The following BACH1 variants were observed in gnomAD, a reference collection of about 807,000 sequenced individuals.
BACH1 encodes transcription regulator protein BACH1.
BACH1 carries 35 observed loss-of-function variants against 52.9 expected under a neutral mutation model. The ratio of observed to expected loss-of-function variants is 0.66; its 90% CI spans 0.51 to 0.88. BACH1 has a LOEUF of 0.88. BACH1 is among the 40% of genes least tolerant of loss of function. The pLI is 0.00. For synonymous variants in BACH1, 321 were observed against 319.6 expected (o/e 1.00, Z -0.05); for missense variants, 808 against 872.6 (o/e 0.93, Z 0.93).
At chr21:29,337,771 C>T (rs1332512797) in intron 4 of BACH1, among the ~76,000 whole-genome samples, 1 of 151,858 alleles carries the variant, frequency 6.6e-6, no homozygotes, top group Non-Finnish European at 1.5e-5. Context: ...CTCAGGAGTT[C>T]GAGGCTAGCC....
intron 2 of BACH1, among the ~76,000 whole-genome samples, chr21:29,360,209 C>T (rs1348232775): frequency 1.3e-5 from 2 of 152,180 alleles, no homozygotes; most frequent in East Asian, 3.9e-4. Context: ...GCCCTGACCA[C>T]TTGGGTACAT....
Position 29,327,016 on chromosome 21 carries a change from G to C in BACH1, c.1192G>C (p.Ala398Pro). 1 of 1,614,068 alleles carries C rather than the reference G, an allele frequency of 6.2e-7. No homozygotes were observed. Among genetic ancestry groups the C allele is most frequent in the Non-Finnish European group, 8.5e-7 (1 of 1,180,018 alleles). Residue 398 changes from alanine to proline, a missense_variant, in exon 3 of 5, where the codon GCA becomes CCA. Transcript: ENST00000286800. The stretch of plus-strand genomic sequence containing the variant: ...GGAGCGAGAAGTGGCAGAACACCTA[G>C]CAAAAGGCTTCTGGAGTGACATTTG... ...SVEREVAEHL[A>P]KGFWSDICST...
At chr21:29,328,687 A>G (rs374745941) in intron 3 of BACH1, among the ~76,000 whole-genome samples, 2 of 152,030 alleles carry the variant, frequency 1.3e-5, no homozygotes, top group East Asian at 1.9e-4. Flanking sequence ...AACCCATCCA[A>G]TTGCAATTCC....
chr21:29,309,372 A>G (rs1432173986), intron 1 of BACH1, among the ~76,000 whole-genome samples: 5 of 152,198 alleles, frequency 3.3e-5, no homozygotes, highest in Non-Finnish European at 7.3e-5. Context: ...CATCACACAC[A>G]GGATACTTGG....
chr21:29,358,765 A>T (rs1408000627), intron 2 of BACH1, among the ~76,000 whole-genome samples: 1 of 81,422 alleles, frequency 1.2e-5, no homozygotes, highest in African/African-American at 4.1e-5. Flanking sequence ...AAAAGAAAAG[A>T]AAAGAAAAGA....
At chr21:29,329,374 CT>C (rs1464330631) in intron 3 of BACH1, 112 bp from the exon 4 acceptor site, 1 of 859,444 alleles carries the variant, frequency 1.2e-6, no homozygotes, top group East Asian at 2.9e-5. Context: ...CCTATGTTTT[CT>C]TTAATGTAAA....
intron 4 of BACH1, among the ~76,000 whole-genome samples, chr21:29,339,608 A>G (rs1018723345): frequency 4.0e-5 from 6 of 151,440 alleles, no homozygotes; most frequent in Admixed American, 2.0e-4. Flanking sequence ...AGCTATTCAA[A>G]ATAAGGATTT....
chr21:29,319,270 A>G (rs2088821885), intron 1 of BACH1, among the ~76,000 whole-genome samples: 1 of 152,228 alleles, frequency 6.6e-6, no homozygotes, highest in Non-Finnish European at 1.5e-5. Flanking sequence ...AGGAGCCAGC[A>G]TAGAGGGAGA....
chr21:29,306,172 GTGT>G, intron 1 of BACH1, among the ~76,000 whole-genome samples: 1 of 54,826 alleles, frequency 1.8e-5, no homozygotes, highest in South Asian at 5.2e-4. Flanking sequence ...CAGGAAGAGT[GTGT>G]GTGTGTGTGT....
At chr21:29,350,207 C>A (rs531056822), downstream of BACH1, among the ~76,000 whole-genome samples, 1 of 152,296 alleles carries the variant, frequency 6.6e-6, no homozygotes, top group East Asian at 1.9e-4. Flanking sequence ...TCTACTGCAC[C>A]CCGTGGTTCA....
At position 29,342,563 on chromosome 21, in the gene BACH1, A is replaced by G. The variant is rs1427310048; in HGVS notation, c.1941A>G (p.Pro647=). Residue 647 remains proline (P), a synonymous_variant, in exon 5 of 5, where the codon CCA becomes CCG. Transcript: ENST00000286800. ...CCAAGTACTCAGCTGCAGATTGCCCACTTTCATTTTTAATTTCTGAAAAAG... is the reference window on the plus strand; with the variant it reads ...CCAAGTACTCAGCTGCAGATTGCCCGCTTTCATTTTTAATTTCTGAAAAAG... ...ILAKYSAADC[P]LSFLISEKDK... The G allele has an allele frequency of 1.2e-6, 2 of 1,614,106 alleles. No individual in the cohort carries two copies. The highest frequency in any genetic ancestry group is 1.7e-6 in the Non-Finnish European group (2 of 1,180,048).
intron 2 of BACH1, among the ~76,000 whole-genome samples, chr21:29,324,800 T>G (rs1467404901): frequency 6.6e-6 from 1 of 152,216 alleles, no homozygotes; most frequent in Non-Finnish European, 1.5e-5. Flanking sequence ...TCAAAGTGTC[T>G]GTACCATTTT....
At chr21:29,350,913 C>A (rs2089198484), downstream of BACH1, among the ~76,000 whole-genome samples, 1 of 152,188 alleles carries the variant, frequency 6.6e-6, no homozygotes, top group Admixed American at 6.5e-5. Flanking sequence ...CGAACTTGCC[C>A]TCTCATCTGC....
chr21:29,302,174 C>G lies in BACH1; in HGVS notation c.-61+3221C>G, dbSNP rs117384339. Among the ~76,000 whole-genome samples, 15 of 152,292 alleles carry G rather than the reference C, an allele frequency of 9.8e-5. No individual in the cohort carries two copies. The East Asian group carries it at 2.9e-3, about 29-fold the overall frequency. ...ACCTGCATTCCCTGAGCATTCTAGACAGAGGGTTTATTTTATGTGGTGGAA... is the reference window on the plus strand; with the variant it reads ...ACCTGCATTCCCTGAGCATTCTAGAGAGAGGGTTTATTTTATGTGGTGGAA... On this transcript the variant is annotated intron_variant, in intron 1 of 4. Coordinates refer to ENST00000286800, the MANE Select transcript of BACH1 (RefSeq NM_001186.4).
intron 1 of BACH1, among the ~76,000 whole-genome samples, chr21:29,320,419 T>C (rs2088834730): frequency 1.3e-5 from 2 of 152,226 alleles, no homozygotes; most frequent in Non-Finnish European, 2.9e-5. Context: ...GGGGGTATTC[T>C]TGTTTTTGGC....
intron 2 of BACH1, among the ~76,000 whole-genome samples, chr21:29,356,706 G>A (rs962040023): frequency 1.3e-5 from 2 of 152,278 alleles, no homozygotes; most frequent in African/African-American, 4.8e-5. Flanking sequence ...GTGCTTTCGG[G>A]CTACGCCCTT....
At chr21:29,306,451 C>T (rs1217591644) in intron 1 of BACH1, among the ~76,000 whole-genome samples, 2 of 151,768 alleles carry the variant, frequency 1.3e-5, no homozygotes, top group East Asian at 1.9e-4. Flanking sequence ...TCCCTCTCTC[C>T]TCTCTTCATA....
In BACH1 at chr21:29,345,053, G is replaced by A. The variant is rs1465464391; in HGVS notation, c.*2220G>A. On this transcript the variant is annotated 3_prime_UTR_variant, in exon 5 of 5. Coordinates refer to ENST00000286800, the MANE Select transcript of BACH1 (RefSeq NM_001186.4). ...TTAATGACACAGAATTATTGGCCAAGTGTAATTTCTTAAAATTTAGCATTA... is the reference window on the plus strand; with the variant it reads ...TTAATGACACAGAATTATTGGCCAAATGTAATTTCTTAAAATTTAGCATTA... 1 of 152,590 alleles carries A rather than the reference G, an allele frequency of 6.6e-6. No homozygotes were observed. Among genetic ancestry groups the A allele is most frequent in the African/African-American group, 2.4e-5 (1 of 41,428 alleles). 9.5% of individuals were successfully genotyped at this position (152,590 alleles called of 1,614,324 possible).
At chr21:29,355,964 C>T (rs1440526301) in intron 2 of BACH1, among the ~76,000 whole-genome samples, 1 of 152,316 alleles carries the variant, frequency 6.6e-6, no homozygotes, top group East Asian at 1.9e-4. Context: ...CCTTTCTCAG[C>T]AGTGAGGAGG....
Sources: gnomAD v4.1 joint callset for allele counts (sites outside exome capture counted in the v4.1 genomes callset) on GRCh38, gnomAD v4.1.1 for gene constraint, MANE v1.5 for transcripts, NCBI Gene and HGNC (gene_info 2026-07-23, HGNC 2026-07-21) for gene names.